Variants in ZNF567 observed in about 807,000 individuals in gnomAD.
ZNF567 encodes zinc finger protein 567.
ZNF567 carries 36 observed loss-of-function variants against 53.9 expected under a neutral mutation model. The ratio of observed to expected loss-of-function variants is 0.67; its 90% CI spans 0.51 to 0.88. ZNF567 has a LOEUF of 0.88. Ranked by LOEUF, ZNF567 falls within the 40% of genes least tolerant of loss-of-function variation. ZNF567 has a pLI of 0.00. For missense variants in ZNF567, 619 were observed against 764.7 expected (o/e 0.81, Z 2.25); for synonymous variants, 224 against 260.4 (o/e 0.86, Z 1.35).
chr19:36,680,430 C>T, the ZNF567 span, among the ~76,000 whole-genome samples: 1 of 152,142 alleles, frequency 6.6e-6, no homozygotes, highest in East Asian at 1.9e-4. Flanking sequence ...GGAGTTGTAT[C>T]TTCAGGGCAG....
At position 36,694,887 on chromosome 19, in the gene ZNF567, G is replaced by A. The variant is rs2038797489; in HGVS notation, c.9+11G>A. On this transcript the variant is annotated intron_variant, in intron 3 of 5. Coordinates refer to ENST00000682579, the MANE Select transcript of ZNF567 (RefSeq NM_001322917.1). ...AAAACCATGGCTCAGGTAAGGCGATGGTTTCTCTCTCCTTTCTGAAAGTCT... is the reference window on the plus strand; with the variant it reads ...AAAACCATGGCTCAGGTAAGGCGATAGTTTCTCTCTCCTTTCTGAAAGTCT... 2 of 1,510,686 alleles carry A rather than the reference G, an allele frequency of 1.3e-6. No individual in the cohort carries two copies. Among genetic ancestry groups the A allele is most frequent in the East Asian group, 5.0e-5 (2 of 40,080 alleles). 93.6% of individuals were successfully genotyped at this position (1,510,686 alleles called of 1,614,324 possible). A position where few individuals can be genotyped will look rare whatever the true frequency, so the allele number is the denominator to read the frequency against.
intron 2 of ZNF567, among the ~76,000 whole-genome samples, chr19:36,693,191 G>A (rs2038711722): frequency 6.6e-6 from 1 of 152,152 alleles, no homozygotes; most frequent in African/African-American, 2.4e-5. Context: ...AGGAGGCTGA[G>A]ATAGGAGGAT....
the ZNF567 span, among the ~76,000 whole-genome samples, chr19:36,667,879 G>C: frequency 6.6e-6 from 1 of 151,838 alleles, no homozygotes; most frequent in South Asian, 2.1e-4. Context: ...TCGATCTCCT[G>C]ACCTCGTGAT....
At chr19:36,714,546 C>G (rs189934705) in intron 5 of ZNF567, 1 of 397,904 alleles carries the variant, frequency 2.5e-6, no homozygotes, top group Non-Finnish European at 4.4e-6. Flanking sequence ...TCCTTACTTA[C>G]TTAACATTTC....
At chr19:36,710,385 C>T (rs1357879) in intron 3 of ZNF567, among the ~76,000 whole-genome samples, 47,574 of 149,322 alleles carry the variant, frequency 0.32, 7,818 homozygotes, top group East Asian at 0.58. Flanking sequence ...CCCCCCACTC[C>T]TTTTTGTTTT....
At chr19:36,704,335 C>T (rs945874881) in intron 3 of ZNF567, among the ~76,000 whole-genome samples, 14 of 152,124 alleles carry the variant, frequency 9.2e-5, no homozygotes, top group Non-Finnish European at 1.6e-4. Context: ...ACAGGAGAAT[C>T]GCTTGAACCC....
At chr19:36,694,696 C>T in intron 2 of ZNF567, 106 bp from the exon 3 acceptor site, 1 of 582,664 alleles carries the variant, frequency 1.7e-6, no homozygotes, top group Non-Finnish European at 2.9e-6. Context: ...TCAGAGTGGA[C>T]AAGGATCAAT....
In ZNF567 at chr19:36,701,222, G is replaced by A. The variant is rs2039166037; in HGVS notation, c.9+6346G>A. Among the ~76,000 whole-genome samples, 5 of 152,162 alleles carry A rather than the reference G, an allele frequency of 3.3e-5. No individual in the cohort carries two copies. In the South Asian group the frequency reaches 1.0e-3, roughly 31 times the overall value. The stretch of plus-strand genomic sequence containing the variant: ...GAGCAGGTTGTTCAGTTTCCATTTA[G>A]TTGAGCGGTTTTGAGTGAGTTTCTT... On this transcript the variant is annotated intron_variant, in intron 3 of 5. Coordinates refer to ENST00000682579, the MANE Select transcript of ZNF567 (RefSeq NM_001322917.1).
intron 3 of ZNF567, among the ~76,000 whole-genome samples, chr19:36,703,339 G>C (rs531308372): frequency 1.3e-4 from 19 of 151,774 alleles, no homozygotes; most frequent in African/African-American, 3.9e-4. Context: ...GCCCCTACTG[G>C]GGGGGGTGCC....
At chr19:36,692,000 A>G (rs2038641762) in intron 2 of ZNF567, among the ~76,000 whole-genome samples, 1 of 152,214 alleles carries the variant, frequency 6.6e-6, no homozygotes, top group Non-Finnish European at 1.5e-5. Context: ...TCTTCTTAGT[A>G]TAAAGTAGTA....
At chr19:36,699,685 T>C (rs1420537668) in intron 3 of ZNF567, among the ~76,000 whole-genome samples, 2 of 152,230 alleles carry the variant, frequency 1.3e-5, no homozygotes, top group African/African-American at 4.8e-5. Flanking sequence ...TTTGAAGCAG[T>C]TGTGAATGGG....
chr19:36,703,120 T>G (rs1171862295), intron 3 of ZNF567, among the ~76,000 whole-genome samples: 7 of 152,196 alleles, frequency 4.6e-5, no homozygotes, highest in Non-Finnish European at 1.0e-4. Context: ...ATGTCCTTTC[T>G]GTTTGTTAGT....
chr19:36,675,458 A>C, the ZNF567 span, among the ~76,000 whole-genome samples: 2 of 152,066 alleles, frequency 1.3e-5, no homozygotes, highest in Admixed American at 1.3e-4. Flanking sequence ...ACAGATCACA[A>C]GGTCAGGAGT....
At chr19:36,701,247 T>C (rs950823245) in intron 3 of ZNF567, among the ~76,000 whole-genome samples, 5 of 152,230 alleles carry the variant, frequency 3.3e-5, no homozygotes, top group Non-Finnish European at 7.3e-5. Flanking sequence ...GTGAGTTTCT[T>C]AATCTTGAGT....
chr19:36,723,064 G>A (rs1203437716), downstream of ZNF567: 1 of 649,308 alleles, frequency 1.5e-6, no homozygotes, highest in Admixed American at 2.4e-5. Context: ...TCAGAACTGT[G>A]AGAACCCAAG....
At chr19:36,693,245 G>A (rs548795753) in intron 2 of ZNF567, among the ~76,000 whole-genome samples, 1 of 152,194 alleles carries the variant, frequency 6.6e-6, no homozygotes, top group East Asian at 1.9e-4. Flanking sequence ...GCGGTGATAG[G>A]CCACTGCACT....
intron 1 of ZNF567, 112 bp from the exon 2 acceptor site, chr19:36,689,285 T>C (rs1188237493): frequency 2.0e-5 from 3 of 150,740 alleles, no homozygotes; most frequent in Admixed American, 1.3e-4. Context: ...ATTTATTTTT[T>C]TTTTTGCTGG....
chr19:36,674,287 A>C, the ZNF567 span, among the ~76,000 whole-genome samples: 1 of 152,236 alleles, frequency 6.6e-6, no homozygotes, highest in Non-Finnish European at 1.5e-5. Context: ...AATTACTAAG[A>C]TATAATTGCT....
Position 36,720,290 on chromosome 19 carries a change from A to G in ZNF567, c.1566A>G (p.Leu522=). 2 of 1,614,066 alleles carry G rather than the reference A, an allele frequency of 1.2e-6. No individual in the cohort carries two copies. The highest frequency in any genetic ancestry group is 1.7e-5 in the Admixed American group (1 of 60,018). The change falls in exon 6 of 6, where the codon CTA becomes CTG. Residue 522 remains leucine, a synonymous_variant. Coordinates refer to ENST00000682579, the MANE Select transcript of ZNF567 (RefSeq NM_001322917.1). ...KSFSQKTNLN[L]HQRIHTGEKP... ...TCAGTCAAAAGACAAATCTCAATCT[A>G]CATCAGAGAATTCATACAGGGGAGA... is the stretch of plus-strand genomic sequence containing the variant.
Sources: allele counts gnomAD v4.1 joint callset (sites outside exome capture counted in the v4.1 genomes callset), GRCh38; gene constraint gnomAD v4.1.1; transcripts MANE v1.5; gene names NCBI Gene and HGNC (gene_info 2026-07-23, HGNC 2026-07-21).